The following TPR variants were observed in gnomAD, a reference collection of about 807,000 sequenced individuals.
TPR encodes the protein nucleoprotein TPR.
In TPR, 51 loss-of-function variants were observed where a neutral mutation model predicts 316.1. The observed-to-expected ratio is 0.16, with a 90% CI of 0.13 to 0.20. The LOEUF (loss-of-function observed/expected upper bound fraction) is 0.20. Among genes scored for constraint, TPR ranks in the 10% least tolerant of loss-of-function variants. The pLI is 1.00. For synonymous variants in TPR, 981 were observed against 914.7 expected, an observed-to-expected ratio of 1.07 and a Z score of -1.31; for missense variants, 2,272 against 2,754.8, an observed-to-expected ratio of 0.82 and a Z score of 3.92.
intron 27 of TPR, 98 bp from the exon 28 acceptor site, chr1:186,341,487 G>A (rs1030427203): frequency 4.6e-6 from 6 of 1,293,090 alleles, no homozygotes; most frequent in Non-Finnish European, 6.1e-6. Context: ...AAAATAAAGA[G>A]GATTTAAGTT....
chr1:186,340,034 T>C (rs1049443547), intron 29 of TPR, among the ~76,000 whole-genome samples: 19 of 152,204 alleles, frequency 1.2e-4, no homozygotes, highest in African/African-American at 4.1e-4. Context: ...CATTTCATAT[T>C]AGTTACAATG....
chr1:186,312,624 C>G lies in TPR; in HGVS notation c.*1347G>C, dbSNP rs1657350109. 1.1e-6 allele frequency: 1 copy of G among 904,992 alleles called. No homozygotes were observed. Among genetic ancestry groups the G allele is most frequent in the African/African-American group, 1.7e-5 (1 of 59,866 alleles). The allele number at this position is 904,992 out of a possible 1,614,324, so 56.1% of individuals were successfully genotyped here. On this transcript the variant is annotated 3_prime_UTR_variant, in exon 51 of 51. Coordinates refer to ENST00000367478, the MANE Select transcript of TPR (RefSeq NM_003292.3). ...ATACTATTTATCAAGTACTTCTTAC[C>G]AAGAACATTATATACCAGTCTATAA... is the stretch of plus-strand genomic sequence containing the variant.
chr1:186,329,006 A>G (rs1416748269), intron 39 of TPR, among the ~76,000 whole-genome samples: 1 of 152,196 alleles, frequency 6.6e-6, no homozygotes, highest in Non-Finnish European at 1.5e-5. Flanking sequence ...AAGTCATGGT[A>G]TAATTTAAAA....
At position 186,339,569 on chromosome 1, in the gene TPR, T is replaced by C. The variant is rs139755955; in HGVS notation, c.4151+73A>G. 371 of 1,282,538 alleles carry C rather than the reference T, an allele frequency of 2.9e-4. 2 individuals are homozygous for C. The African/African-American group carries it at 5.1e-3, about 18-fold the overall frequency. 79.4% of individuals were successfully genotyped at this position (1,282,538 alleles called of 1,614,324 possible). On this transcript the variant is annotated intron_variant, in intron 30 of 50. Coordinates refer to ENST00000367478, the MANE Select transcript of TPR (RefSeq NM_003292.3). ...CTTTCTAAAACCAGGAGGCAGGCAC[T>C]TGGGGAGTCATGTAAATAAGTAAAA...
intron 21 of TPR, among the ~76,000 whole-genome samples, chr1:186,348,927 C>G (rs1223052712): frequency 6.6e-6 from 1 of 152,014 alleles, no homozygotes; most frequent in Non-Finnish European, 1.5e-5. Flanking sequence ...TAATTATCTA[C>G]TAGATAATTA....
intron 39 of TPR, among the ~76,000 whole-genome samples, chr1:186,328,287 AAT>A (rs1263844376): frequency 6.6e-6 from 1 of 152,184 alleles, no homozygotes; most frequent in African/African-American, 2.4e-5. Flanking sequence ...GTGAGACAGG[AAT>A]ATGTCATGTA....
chr1:186,347,758 T>G (rs1658726368), intron 21 of TPR, among the ~76,000 whole-genome samples: 1 of 152,126 alleles, frequency 6.6e-6, no homozygotes, highest in Non-Finnish European at 1.5e-5. Context: ...AATGACAGAA[T>G]TCTTAATTTA....
chr1:186,348,773 C>T (rs1658759987), intron 21 of TPR, among the ~76,000 whole-genome samples: 1 of 152,062 alleles, frequency 6.6e-6, no homozygotes, highest in African/African-American at 2.4e-5. Flanking sequence ...GGTGTGTTCT[C>T]CCAATAATTA....
At chr1:186,362,526 A>G in intron 6 of TPR, 146 bp from the exon 7 acceptor site, 1 of 669,408 alleles carries the variant, frequency 1.5e-6, no homozygotes. Flanking sequence ...TAAGAAAACT[A>G]AGAGTAACTG....
rs147540814 is a variant in TPR at position 186,363,731 on chromosome 1, A to G, written c.428-286T>C. ...ACTAAGAAAAAGCTACTGTAAGTGCATAATATGTACTAATATGTAGATATT... is the reference window on the plus strand; with the variant it reads ...ACTAAGAAAAAGCTACTGTAAGTGCGTAATATGTACTAATATGTAGATATT... On this transcript the variant is annotated intron_variant, in intron 4 of 50. Coordinates refer to ENST00000367478, the MANE Select transcript of TPR (RefSeq NM_003292.3). Among the ~76,000 whole-genome samples the G allele has an allele frequency of 1.5e-4, 23 of 152,302 alleles. No individual in the cohort carries two copies. The East Asian group carries it at 4.2e-3, about 28-fold the overall frequency.
chr1:186,368,656 T>G (rs1659414869), intron 3 of TPR, among the ~76,000 whole-genome samples: 1 of 152,192 alleles, frequency 6.6e-6, no homozygotes, highest in Admixed American at 6.5e-5. Flanking sequence ...ACAATGGCAA[T>G]CTACATGTTT....
At chr1:186,368,354 G>A (rs761214373) in intron 3 of TPR, among the ~76,000 whole-genome samples, 42 of 152,166 alleles carry the variant, frequency 2.8e-4, no homozygotes, top group African/African-American at 8.7e-4. Context: ...GCTCATGCCT[G>A]TAATCACAGC....
rs371802543 is a variant in TPR at position 186,346,271 on chromosome 1, C to A, written c.2960G>T (p.Arg987Leu). 3.5e-5 allele frequency: 57 copies of A among 1,612,370 alleles called. No individual in the cohort carries two copies. Among genetic ancestry groups the A allele is most frequent in the Middle Eastern group, 1.6e-4 (1 of 6,078 alleles). Residue 987 changes from arginine (R) to leucine (L), a missense_variant, in exon 23 of 51, where the codon CGT becomes CTT. Physicochemically the swap from Arg to Leu is moderately radical, Grantham distance 102. Coordinates refer to ENST00000367478, the MANE Select transcript of TPR (RefSeq NM_003292.3). The part of the protein sequence containing the change: ...NKEKQVTEEV[R>L]KNIEVRLKES... ...TTTTAAACGAACTTCAATATTCTTA[C>A]GCACTTCTTCTGTCACCTTTACCAT...
chr1:186,335,083 G>C lies in TPR; in HGVS notation c.4958C>G (p.Ser1653Cys), dbSNP rs1471846255. Reference protein sequence around the residue: ...RQITLKTTPASGERGIASTSD... With the variant: ...RQITLKTTPACGERGIASTSD... ...TAAAACTCACATTCCTCTTTCACCAGAAGCTGGAGTTGTTTTCAATGTGAT... is the reference window on the plus strand; with the variant it reads ...TAAAACTCACATTCCTCTTTCACCACAAGCTGGAGTTGTTTTCAATGTGAT... Residue 1653 changes from serine to cysteine, a missense_variant, in exon 35 of 51, where the codon TCT becomes TGT. Around this residue, in one of 10 missense-constraint regions of TPR, gnomAD observed 109 missense variants for 215.3 expected, o/e 0.51. Transcript: ENST00000367478. The C allele has an allele frequency of 4.3e-6, 7 of 1,612,536 alleles. No individual in the cohort carries two copies. Among genetic ancestry groups the C allele is most frequent in the Non-Finnish European group, 5.9e-6 (7 of 1,179,360 alleles).
At chr1:186,374,450 A>G (rs1659636314) in intron 1 of TPR, among the ~76,000 whole-genome samples, 1 of 152,232 alleles carries the variant, frequency 6.6e-6, no homozygotes, top group Non-Finnish European at 1.5e-5. Flanking sequence ...GGGACGACGC[A>G]CACACTAAGA....
chr1:186,322,685 A>G (rs1342418370), intron 43 of TPR, 99 bp from the exon 44 acceptor site: 3 of 1,182,250 alleles, frequency 2.5e-6, no homozygotes, highest in East Asian at 4.9e-5. Flanking sequence ...CTGCCAACAA[A>G]ATAGTTAGCA....
chr1:186,363,054 T>G, intron 5 of TPR, 53 bp from the exon 6 acceptor site: 1 of 1,534,430 alleles, frequency 6.5e-7, no homozygotes, highest in Non-Finnish European at 8.7e-7. Flanking sequence ...ATATGATTAT[T>G]CAAAAGATTT....
At chr1:186,323,972 T>A in intron 42 of TPR, 102 bp from the exon 43 acceptor site, 1 of 1,221,452 alleles carries the variant, frequency 8.2e-7, no homozygotes, top group Non-Finnish European at 1.1e-6. Flanking sequence ...ATGTTCACCG[T>A]ACGAATATTT....
At chr1:186,327,020 ATAT>A (rs1363233895) in intron 40 of TPR, among the ~76,000 whole-genome samples, 1 of 85,766 alleles carries the variant, frequency 1.2e-5, no homozygotes, top group Non-Finnish European at 2.2e-5. Context: ...TATAATATAT[ATAT>A]TATATATATA....
Sources: gnomAD v4.1 joint callset for allele counts (sites outside exome capture counted in the v4.1 genomes callset) on GRCh38, gnomAD v4.1.1 for gene constraint, gnomAD v4.1.1 regional missense constraint, MANE v1.5 for transcripts, NCBI Gene and HGNC (gene_info 2026-07-23, HGNC 2026-07-21) for gene names.